SNX7: variants seen among roughly 807,000 people sequenced by gnomAD.
SNX7 encodes the protein sorting nexin 7.
SNX7 carries 35 observed loss-of-function variants against 48.4 expected under a neutral mutation model. That is an observed-to-expected ratio of 0.72 (90% CI 0.55 to 0.96). The LOEUF is 0.96. SNX7 is among the 40% of genes least tolerant of loss of function. The pLI is 0.00. For missense variants in SNX7, 553 were observed against 548.9 expected (o/e 1.01, Z -0.07); for synonymous variants, 190 against 190.2 (o/e 1.00, Z 0.01).
intron 7 of SNX7, among the ~76,000 whole-genome samples, chr1:98,727,539 A>C (rs1208217578): frequency 6.6e-6 from 1 of 152,186 alleles, no homozygotes. Context: ...ATGAACTGAC[A>C]GAAGTAGACG....
chr1:98,733,369 A>G (rs1264379117), intron 7 of SNX7, among the ~76,000 whole-genome samples: 1 of 152,062 alleles, frequency 6.6e-6, no homozygotes, highest in Admixed American at 6.6e-5. Context: ...TGGCATCAGG[A>G]GTCTGATCTT....
At chr1:98,684,419 C>G (rs1397653284) in intron 1 of SNX7, among the ~76,000 whole-genome samples, 1 of 152,158 alleles carries the variant, frequency 6.6e-6, no homozygotes, top group Admixed American at 6.6e-5. Flanking sequence ...GGGATGCTCT[C>G]AGCTTCAAGA....
At chr1:98,678,742 T>C (rs1410379493) in intron 1 of SNX7, among the ~76,000 whole-genome samples, 4 of 152,338 alleles carry the variant, frequency 2.6e-5, no homozygotes, top group Admixed American at 1.3e-4. Flanking sequence ...TTATATCCAC[T>C]GAATAAAATA....
chr1:98,684,810 A>T, intron 1 of SNX7, 75 bp from the exon 2 acceptor site: 1 of 1,033,534 alleles, frequency 9.7e-7, no homozygotes, highest in Non-Finnish European at 1.3e-6. Context: ...ATATTTCATT[A>T]ATATTGATAG....
intron 7 of SNX7, among the ~76,000 whole-genome samples, chr1:98,709,652 TC>T (rs896295350): frequency 5.3e-5 from 8 of 152,206 alleles, no homozygotes; most frequent in African/African-American, 1.9e-4. Flanking sequence ...CAATATGGTT[TC>T]ATTTCTCCTG....
intron 1 of SNX7, among the ~76,000 whole-genome samples, chr1:98,677,770 C>T (rs1650248009): frequency 6.6e-6 from 1 of 151,226 alleles, no homozygotes; most frequent in Admixed American, 6.6e-5. Context: ...CCCAGCTACT[C>T]GGGAGTCTGA....
intron 1 of SNX7, among the ~76,000 whole-genome samples, chr1:98,681,048 G>T (rs114423637): frequency 1.2e-4 from 19 of 152,178 alleles, no homozygotes; most frequent in African/African-American, 4.3e-4. Context: ...ATTTGTATAG[G>T]AAAAGGGTTT....
chr1:98,685,546 A>T (rs1375480605), intron 2 of SNX7, among the ~76,000 whole-genome samples: 2 of 152,182 alleles, frequency 1.3e-5, no homozygotes, highest in African/African-American at 4.8e-5. Context: ...AGAGCAAAGT[A>T]GATCTAGAAC....
At chr1:98,662,853 C>G (rs1310422659) in intron 1 of SNX7, 1 of 1,288,364 alleles carries the variant, frequency 7.8e-7, no homozygotes, top group African/African-American at 1.5e-5. Context: ...CGCATTTACT[C>G]TGGGAGAGCA....
intron 4 of SNX7, among the ~76,000 whole-genome samples, chr1:98,691,937 A>ACACTCTCTCT (rs376006567): frequency 0.022 from 2,886 of 131,126 alleles, 29 homozygotes; most frequent in African/African-American, 0.027. Context: ...ACACACACAC[A>ACACTCTCTCT]CTCTCTCTCT....
At chr1:98,719,056 T>C (rs1652731596) in intron 7 of SNX7, among the ~76,000 whole-genome samples, 1 of 152,158 alleles carries the variant, frequency 6.6e-6, no homozygotes, top group African/African-American at 2.4e-5. Flanking sequence ...GAAGTGAAAT[T>C]GCTAAATCGG....
chr1:98,753,923 G>A (rs1218796466), intron 8 of SNX7, among the ~76,000 whole-genome samples: 1 of 152,042 alleles, frequency 6.6e-6, no homozygotes, highest in Non-Finnish European at 1.5e-5. Context: ...AGTGGTTTAT[G>A]AAACTGAGTT....
intron 7 of SNX7, among the ~76,000 whole-genome samples, chr1:98,722,188 G>GA (rs1652915788): frequency 6.6e-6 from 1 of 152,098 alleles, no homozygotes; most frequent in African/African-American, 2.4e-5. Flanking sequence ...AAAATGCATT[G>GA]TGTTTTACTG....
chr1:98,692,203 G>A (rs144540079), intron 4 of SNX7, among the ~76,000 whole-genome samples: 4 of 152,128 alleles, frequency 2.6e-5, no homozygotes, highest in Admixed American at 1.3e-4. Flanking sequence ...TAACACATAT[G>A]TATACCTTTT....
intron 2 of SNX7, among the ~76,000 whole-genome samples, chr1:98,687,492 CTTA>C (rs1650870212): frequency 6.6e-6 from 1 of 151,898 alleles, no homozygotes; most frequent in African/African-American, 2.4e-5. Context: ...ATAGTCTTTT[CTTA>C]TTATCATTTA....
chr1:98,732,598 A>G (rs539445339), intron 7 of SNX7, among the ~76,000 whole-genome samples: 1 of 152,182 alleles, frequency 6.6e-6, no homozygotes, highest in Admixed American at 6.5e-5. Flanking sequence ...CTTTCAGCTT[A>G]ATTTTTTTCC....
At chr1:98,690,623 T>C (rs1050605133) in intron 2 of SNX7, among the ~76,000 whole-genome samples, 1 of 152,046 alleles carries the variant, frequency 6.6e-6, no homozygotes, top group African/African-American at 2.4e-5. Context: ...CAAGAAAACA[T>C]TTTTCTCAGT....
rs771452718 is a variant in SNX7 at position 98,698,815 on chromosome 1, C to T, written c.948C>T (p.Cys316=). 2.4e-5 allele frequency: 38 copies of T among 1,613,550 alleles called. No individual in the cohort carries two copies. Among genetic ancestry groups the T allele is most frequent in the Non-Finnish European group, 3.2e-5 (38 of 1,179,812 alleles). The part of the protein sequence containing the change: ...LKDVASCIDR[C]CKATEKRMSG... Reference sequence around the variant, plus strand: ...ATGTTGCCAGCTGCATTGACAGATGCTGTAAGGCCACTGAAAAGCGGATGT... The same window carrying T: ...ATGTTGCCAGCTGCATTGACAGATGTTGTAAGGCCACTGAAAAGCGGATGT... The change falls in exon 6 of 9, where the codon TGC becomes TGT. Residue 316 remains cysteine, a synonymous_variant. Transcript: ENST00000306121.
intron 7 of SNX7, among the ~76,000 whole-genome samples, chr1:98,705,702 G>A (rs561512672): frequency 1.1e-4 from 17 of 152,230 alleles, no homozygotes; most frequent in East Asian, 5.8e-4. Flanking sequence ...GTGGAGGGGA[G>A]GGTACAGTAA....
Sources: gnomAD v4.1 joint callset for allele counts (sites outside exome capture counted in the v4.1 genomes callset) on GRCh38, gnomAD v4.1.1 for gene constraint, MANE v1.5 for transcripts, NCBI Gene and HGNC (gene_info 2026-07-23, HGNC 2026-07-21) for gene names.